ARHGEF10L: variants seen among roughly 807,000 people sequenced by gnomAD.
ARHGEF10L encodes Rho guanine nucleotide exchange factor 10 like, also known as rho guanine nucleotide exchange factor 10-like protein.
In ARHGEF10L, 69 loss-of-function variants were observed where a neutral mutation model predicts 141.2. That is an observed-to-expected ratio of 0.49 (90% CI 0.40 to 0.60). The LOEUF (loss-of-function observed/expected upper bound fraction) is 0.60, where lower values mean the gene tolerates loss of function less well. ARHGEF10L is among the 20% of genes least tolerant of loss of function. The probability of loss-of-function intolerance (pLI) is 0.00; values close to 1 mark genes in which losing one functional copy is unlikely to be tolerated. For synonymous variants in ARHGEF10L, 711 were observed against 718.5 expected, an observed-to-expected ratio of 0.99 and a Z score of 0.17; for missense variants, 1,482 against 1,734.3, an observed-to-expected ratio of 0.85 and a Z score of 2.58.
At position 17,542,840 on chromosome 1, in the gene ARHGEF10L, C is replaced by T. The variant is rs570560901; in HGVS notation, c.-44+2890C>T. On this transcript the variant is annotated intron_variant, in intron 1 of 28. Transcript: ENST00000361221. ...AAGCGAGTCAGCGAAGGCGCCAGCA[C>T]TCAGCCTGGGACTCCCTGGCCACTC... 1.2e-3 allele frequency among the ~76,000 whole-genome samples: 186 copies of T among 152,328 alleles called. 2 individuals carry two copies. The highest frequency in any genetic ancestry group is 4.4e-3 in the African/African-American group (182 of 41,586).
rs2077407449 is a variant in ARHGEF10L, at chr1:17,558,088, A to G, written c.-44+18138A>G. On this transcript the variant is annotated intron_variant, in intron 1 of 28. Transcript: ENST00000361221. The surrounding 1 kb of genome is among the most constrained non-coding windows in gnomAD (Gnocchi z 4.2). ...CGTGCATCCATCTGTCCATCTGTCC[A>G]TCTGTCTACCCGTTTGTCCATTGTC... Among the ~76,000 whole-genome samples the G allele has an allele frequency of 6.6e-6, 1 of 151,630 alleles. No individual in the cohort carries two copies. Among genetic ancestry groups the G allele is most frequent in the Non-Finnish European group, 1.5e-5 (1 of 67,908 alleles).
At position 17,640,284 on chromosome 1, in the gene ARHGEF10L, T is replaced by C. The variant is rs2061255366; in HGVS notation, c.2254T>C (p.Leu752=). The C allele has an allele frequency of 6.2e-7, 1 of 1,612,640 alleles. No homozygotes were observed. Residue 752 remains leucine, a synonymous_variant, in exon 21 of 29, where the codon TTG becomes CTG. Transcript: ENST00000361221. The part of the protein sequence containing the change: ...SKISWVNRLH[L]AKIGLREENQ... ...GATTTCCTGGGTCAACAGGTTACAT[T>C]TGGCCAAAATCGGACTCCGTGAGTA... is the stretch of plus-strand genomic sequence containing the variant.
chr1:17,574,255 T>C (rs2100404099), intron 1 of ARHGEF10L, among the ~76,000 whole-genome samples: 1 of 152,194 alleles, frequency 6.6e-6, no homozygotes, highest in East Asian at 1.9e-4. Context: ...CTCATTTTCC[T>C]CATCTGCTAT....
chr1:17,697,538 T>A lies in ARHGEF10L; in HGVS notation c.*158T>A, dbSNP rs911520391. ...GAAAACCTCTTGTTTTAAAAAAATT[T>A]TTTTCAGAGTGTTTTGGGGAGGAGT... is the stretch of plus-strand genomic sequence containing the variant. On this transcript the variant is annotated 3_prime_UTR_variant, in exon 29 of 29. Coordinates refer to ENST00000361221, the MANE Select transcript of ARHGEF10L (RefSeq NM_018125.4). This position sits in a 1 kb window ranked among gnomAD's most constrained non-coding sequence, Gnocchi z 4.8. The A allele has an allele frequency of 4.8e-6, 5 of 1,037,624 alleles. No individual in the cohort carries two copies. The highest frequency in any genetic ancestry group is 2.4e-4 in the Middle Eastern group (1 of 4,148). 64.3% of individuals were successfully genotyped at this position (1,037,624 alleles called of 1,614,324 possible).
At chr1:17,588,237 C>T (rs1009217772) in intron 3 of ARHGEF10L, among the ~76,000 whole-genome samples, 14 of 140,072 alleles carry the variant, frequency 1.0e-4, no homozygotes, top group Non-Finnish European at 1.1e-4. Flanking sequence ...GGAAGTGGGC[C>T]ACGGGGTGGG....
chr1:17,660,300 G>T (rs1464105747), intron 25 of ARHGEF10L, among the ~76,000 whole-genome samples: 1 of 152,214 alleles, frequency 6.6e-6, no homozygotes, highest in Non-Finnish European at 1.5e-5. Context: ...GTAAGGGATG[G>T]GTTGGGCATC....
rs548325626 is a variant in ARHGEF10L at position 17,544,167 on chromosome 1, G to T, written c.-44+4217G>T. Reference sequence around the variant, plus strand: ...GGGGTTTCACTATGTTGGCCAGGCTGGTCTTGAACTGCTGACCTCAGGTGG... The same window carrying T: ...GGGGTTTCACTATGTTGGCCAGGCTTGTCTTGAACTGCTGACCTCAGGTGG... On this transcript the variant is annotated intron_variant, in intron 1 of 28. Transcript: ENST00000361221. 1.3e-4 allele frequency among the ~76,000 whole-genome samples: 19 copies of T among 151,746 alleles called. No individual in the cohort carries two copies. In the East Asian group the frequency reaches 3.1e-3, roughly 25 times the overall value.
At chr1:17,517,352 C>G in the ARHGEF10L span, among the ~76,000 whole-genome samples, 2,104 of 152,174 alleles carry the variant, frequency 0.014, 34 homozygotes, top group African/African-American at 0.049. Flanking sequence ...ATTTTTGAGA[C>G]CAAGTCTTGG....
At chr1:17,535,330 C>G (rs866828715), upstream of ARHGEF10L, among the ~76,000 whole-genome samples, 8 of 152,282 alleles carry the variant, frequency 5.3e-5, no homozygotes, top group Middle Eastern at 3.4e-3. Context: ...CATGGCTATA[C>G]ATAGAGATGA....
intron 1 of ARHGEF10L, among the ~76,000 whole-genome samples, chr1:17,576,001 G>C (rs958125014): frequency 1.3e-5 from 2 of 152,170 alleles, no homozygotes; most frequent in Admixed American, 1.3e-4. Flanking sequence ...CAGCAGTCCA[G>C]CTGCTGCTTC....
In ARHGEF10L at chr1:17,583,353, G is replaced by A. The variant is rs369930897; in HGVS notation, c.37+2721G>A. Among the ~76,000 whole-genome samples the A allele has an allele frequency of 5.1e-4, 78 of 152,240 alleles. No individual in the cohort carries two copies. In the South Asian group the frequency reaches 9.6e-3, roughly 19 times the overall value. On this transcript the variant is annotated intron_variant, in intron 2 of 28. Transcript: ENST00000361221. ...GCAGGGACTGGGCTATGACAAGGCT[G>A]TAATCATAATAATAACAGTGATAAT...
chr1:17,678,267 G>A (rs1033266087), intron 26 of ARHGEF10L, among the ~76,000 whole-genome samples: 2 of 152,168 alleles, frequency 1.3e-5, no homozygotes. Flanking sequence ...GTCGATGCTG[G>A]AGAAGAAACA....
intron 7 of ARHGEF10L, among the ~76,000 whole-genome samples, chr1:17,610,499 G>C (rs1248184843): frequency 1.3e-5 from 2 of 152,208 alleles, no homozygotes; most frequent in African/African-American, 4.8e-5. Context: ...CTGATCAGCA[G>C]GCTCCTAGGG....
At chr1:17,569,170 C>T (rs972817678) in intron 1 of ARHGEF10L, among the ~76,000 whole-genome samples, 1 of 152,184 alleles carries the variant, frequency 6.6e-6, no homozygotes, top group Non-Finnish European at 1.5e-5. Flanking sequence ...GTTGGCTCTG[C>T]CCCTGGAGGA....
the ARHGEF10L span, among the ~76,000 whole-genome samples, chr1:17,532,105 C>G: frequency 6.6e-6 from 1 of 152,232 alleles, no homozygotes; most frequent in African/African-American, 2.4e-5. Flanking sequence ...AGTCTCCAGC[C>G]AGGTCTGCTT....
chr1:17,616,776 A>G (rs1419457370), intron 9 of ARHGEF10L, among the ~76,000 whole-genome samples: 1 of 152,128 alleles, frequency 6.6e-6, no homozygotes, highest in Non-Finnish European at 1.5e-5. Flanking sequence ...TTGGGGGATG[A>G]AAGGTCAGGG....
At chr1:17,609,645 T>C (rs2059440277) in intron 7 of ARHGEF10L, among the ~76,000 whole-genome samples, 1 of 152,092 alleles carries the variant, frequency 6.6e-6, no homozygotes, top group African/African-American at 2.4e-5. Context: ...AAAAATGCCT[T>C]TACGTAAACA....
chr1:17,642,597 G>T (rs2061388476), intron 21 of ARHGEF10L, among the ~76,000 whole-genome samples: 4 of 152,198 alleles, frequency 2.6e-5, no homozygotes, highest in Admixed American at 1.3e-4. Flanking sequence ...GTTGCCTGTG[G>T]AGGAACCTGG....
At position 17,598,685 on chromosome 1, in the gene ARHGEF10L, T is replaced by A. The variant is rs372136361; in HGVS notation, c.258-3442T>A. On this transcript the variant is annotated intron_variant, in intron 4 of 28. Coordinates refer to ENST00000361221, the MANE Select transcript of ARHGEF10L (RefSeq NM_018125.4). ...GATTTTAACACATGGACTTTTTTTG[T>A]CAGGGGAACACAGACATTCATACCA... is the stretch of plus-strand genomic sequence containing the variant. 9.2e-5 allele frequency among the ~76,000 whole-genome samples: 14 copies of A among 152,282 alleles called. No homozygotes were observed. In the East Asian group the frequency reaches 1.5e-3, roughly 17 times the overall value.
Sources: allele counts gnomAD v4.1 joint callset (sites outside exome capture counted in the v4.1 genomes callset), GRCh38; gene constraint gnomAD v4.1.1; non-coding constraint Gnocchi (gnomAD v3.1); transcripts MANE v1.5; gene names NCBI Gene and HGNC (gene_info 2026-07-23, HGNC 2026-07-21).